PPP3R1: variants seen among roughly 807,000 people sequenced by gnomAD.
The protein encoded by PPP3R1 is protein phosphatase 3 regulatory subunit B, alpha.
In PPP3R1, 5 loss-of-function variants were observed where a neutral mutation model predicts 22.6. That is an observed-to-expected ratio of 0.22 (90% confidence interval 0.12 to 0.46). The LOEUF is 0.46. Among genes scored for constraint, PPP3R1 ranks in the 20% least tolerant of loss-of-function variants. The pLI, the probability that PPP3R1 is intolerant of heterozygous loss-of-function variation, is 0.99. For synonymous variants in PPP3R1, 56 were observed against 65.2 expected (o/e 0.86, Z 0.68); for missense variants, 61 against 203.2 (o/e 0.30, Z 4.25).
intron 2 of PPP3R1, among the ~76,000 whole-genome samples, chr2:68,199,496 ATTAGAAGTGG>A (rs1244364860): frequency 1.3e-5 from 2 of 152,150 alleles, no homozygotes; most frequent in Non-Finnish European, 2.9e-5. Context: ...TACAACGTTG[ATTAGAAGTGG>A]TCAAGAGTGG....
chr2:68,193,877 A>G (rs1674716787), intron 2 of PPP3R1, among the ~76,000 whole-genome samples: 1 of 152,102 alleles, frequency 6.6e-6, no homozygotes, highest in East Asian at 1.9e-4. Flanking sequence ...AACAAATTCT[A>G]ACTTTTGGCG....
At chr2:68,214,256 A>T (rs1465549763) in intron 2 of PPP3R1, among the ~76,000 whole-genome samples, 1 of 152,226 alleles carries the variant, frequency 6.6e-6, no homozygotes, top group Admixed American at 6.5e-5. Context: ...AGACGCCAAA[A>T]GCAATTGCAA....
At chr2:68,213,657 A>G (rs1228288025) in intron 2 of PPP3R1, among the ~76,000 whole-genome samples, 1 of 152,226 alleles carries the variant, frequency 6.6e-6, no homozygotes, top group Non-Finnish European at 1.5e-5. Context: ...CTTGCTTGGC[A>G]TAGGGTTACC....
At chr2:68,199,930 CAAGGTAATGCTAGCTTCTATTTTCT>C (rs1674937448) in intron 2 of PPP3R1, among the ~76,000 whole-genome samples, 3 of 152,044 alleles carry the variant, frequency 2.0e-5, no homozygotes, top group Admixed American at 2.0e-4. Flanking sequence ...GTATTACCAT[CAAGGTAATGCTAGCTTCTATTTTCT>C]AAGAGTCTAG....
chr2:68,185,875 G>A (rs1343990452), intron 5 of PPP3R1, among the ~76,000 whole-genome samples: 1 of 152,164 alleles, frequency 6.6e-6, no homozygotes, highest in African/African-American at 2.4e-5. Flanking sequence ...TTTTGCTTAA[G>A]GATAATATGA....
chr2:68,228,917 G>A (rs561221382), intron 1 of PPP3R1, among the ~76,000 whole-genome samples: 2 of 151,936 alleles, frequency 1.3e-5, no homozygotes, highest in Non-Finnish European at 2.9e-5. Flanking sequence ...AGATTATTTG[G>A]AAGTGTTTAG....
At chr2:68,229,610 GGATT>G (rs1228840372) in intron 1 of PPP3R1, among the ~76,000 whole-genome samples, 6 of 152,028 alleles carry the variant, frequency 3.9e-5, no homozygotes, top group Non-Finnish European at 7.4e-5. Flanking sequence ...TCTTCTTAGT[GGATT>G]GATTAACCCT....
intron 5 of PPP3R1, among the ~76,000 whole-genome samples, chr2:68,184,406 T>A (rs1270805013): frequency 6.6e-6 from 1 of 152,200 alleles, no homozygotes; most frequent in Non-Finnish European, 1.5e-5. Context: ...TTAGATGCTG[T>A]CTCTTCTCTG....
intron 2 of PPP3R1, among the ~76,000 whole-genome samples, chr2:68,207,034 C>T (rs570375637): frequency 1.7e-4 from 25 of 147,824 alleles, no homozygotes; most frequent in Non-Finnish European, 2.5e-4. Flanking sequence ...CTGATTTCAA[C>T]AATCTTATAA....
At chr2:68,236,356 T>C (rs1021679289) in intron 1 of PPP3R1, among the ~76,000 whole-genome samples, 2 of 152,200 alleles carry the variant, frequency 1.3e-5, no homozygotes, top group Admixed American at 1.3e-4. Flanking sequence ...CAACAGACTG[T>C]ATGGCTCCCA....
At position 68,193,948 on chromosome 2, in the gene PPP3R1, T is replaced by C. The variant is rs560219418; in HGVS notation, c.44-5258A>G. 5.9e-5 allele frequency among the ~76,000 whole-genome samples: 9 copies of C among 152,174 alleles called. No individual in the cohort carries two copies. The South Asian group carries it at 1.9e-3, about 32-fold the overall frequency. ...TAGGATCATATTCCCTTAAAAGAGA[T>C]GGACAAGGAAAAACAAACCTCACCC... is the stretch of plus-strand genomic sequence containing the variant. On this transcript the variant is annotated intron_variant, in intron 2 of 5. Transcript: ENST00000234310.
intron 2 of PPP3R1, among the ~76,000 whole-genome samples, chr2:68,192,606 C>A (rs1358481686): frequency 6.6e-6 from 1 of 152,090 alleles, no homozygotes; most frequent in Non-Finnish European, 1.5e-5. Context: ...GCATTTCAGT[C>A]TTAATAAATG....
intron 1 of PPP3R1, among the ~76,000 whole-genome samples, chr2:68,233,784 T>C (rs1364033068): frequency 6.6e-6 from 1 of 152,208 alleles, no homozygotes; most frequent in Non-Finnish European, 1.5e-5. Flanking sequence ...CAATGACTTT[T>C]TTCAAACTGA....
intron 2 of PPP3R1, among the ~76,000 whole-genome samples, chr2:68,206,700 T>C (rs1675133575): frequency 6.6e-6 from 1 of 152,240 alleles, no homozygotes; most frequent in African/African-American, 2.4e-5. Context: ...TTATTTCTCG[T>C]AATAGTTTAC....
chr2:68,251,933 C>CGCCGTCCTGTCAGCA (rs1670370525), intron 1 of PPP3R1, among the ~76,000 whole-genome samples, 192 bp downstream of exon 1: 1 of 146,708 alleles, frequency 6.8e-6, no homozygotes, highest in African/African-American at 2.5e-5. Flanking sequence ...GGGGCCCCGC[C>CGCCGTCCTGTCAGCA]GCCGTCCTGT....
At chr2:68,208,543 A>C (rs1485141434) in intron 2 of PPP3R1, among the ~76,000 whole-genome samples, 1 of 152,240 alleles carries the variant, frequency 6.6e-6, no homozygotes, top group Non-Finnish European at 1.5e-5. Context: ...AATTAGGTCT[A>C]GTTTTGGTCA....
intron 1 of PPP3R1, among the ~76,000 whole-genome samples, chr2:68,231,645 T>C (rs1065248): frequency 0.21 from 32,629 of 152,106 alleles, 3,751 homozygotes; most frequent in Non-Finnish European, 0.25. Flanking sequence ...ATACGTGTAG[T>C]TATTGGTTGA....
chr2:68,236,895 T>G (rs1043007829), intron 1 of PPP3R1, among the ~76,000 whole-genome samples: 5 of 152,030 alleles, frequency 3.3e-5, no homozygotes, highest in African/African-American at 1.2e-4. Flanking sequence ...CCCTAATAAG[T>G]ACTTAAAGAA....
intron 1 of PPP3R1, among the ~76,000 whole-genome samples, chr2:68,220,211 A>G (rs1408844057): frequency 6.6e-6 from 1 of 152,230 alleles, no homozygotes; most frequent in Non-Finnish European, 1.5e-5. Flanking sequence ...AGACATCGCC[A>G]AATTGAGAAG....
Sources: allele counts gnomAD v4.1 joint callset (sites outside exome capture counted in the v4.1 genomes callset), GRCh38; gene constraint gnomAD v4.1.1; transcripts MANE v1.5; gene names NCBI Gene and HGNC (gene_info 2026-07-23, HGNC 2026-07-21).